LGR4: variants seen among roughly 807,000 people sequenced by gnomAD.
LGR4 encodes the protein leucine rich repeat containing G protein-coupled receptor 4.
Under a neutral mutation model 84.8 loss-of-function variants are expected in LGR4, and 44 were observed. The ratio of observed to expected loss-of-function variants is 0.52; its 90% CI spans 0.41 to 0.67. LGR4 has a LOEUF of 0.67. Among genes scored for constraint, LGR4 ranks in the 30% least tolerant of loss-of-function variants. LGR4 has a pLI of 0.00. For missense variants in LGR4, 1,032 were observed against 1,131.4 expected, an observed-to-expected ratio of 0.91 and a Z score of 1.26; for synonymous variants, 429 against 434.3, an observed-to-expected ratio of 0.99 and a Z score of 0.15.
intron 2 of LGR4, among the ~76,000 whole-genome samples, chr11:27,396,181 T>C (rs1863389133): frequency 6.6e-6 from 1 of 152,180 alleles, no homozygotes. Flanking sequence ...GAAATACTTA[T>C]CCACTTCTAC....
At chr11:27,403,911 G>A (rs1240419234) in intron 2 of LGR4, among the ~76,000 whole-genome samples, 1 of 152,076 alleles carries the variant, frequency 6.6e-6, no homozygotes. Flanking sequence ...CATCTTTGAA[G>A]TATGCATATA....
chr11:27,471,943 G>A, intron 1 of LGR4, 175 bp downstream of exon 1: 1 of 382,000 alleles, frequency 2.6e-6, no homozygotes, highest in Admixed American at 4.7e-5. Flanking sequence ...GAAAGCCCGT[G>A]GCACAGGAGT....
In LGR4 at chr11:27,446,681, C is replaced by T. The variant is rs577305831; in HGVS notation, c.185+25437G>A. On this transcript the variant is annotated intron_variant, in intron 1 of 17. Transcript: ENST00000379214. The stretch of plus-strand genomic sequence containing the variant: ...ACCATTTGACCCAGCCATCCCATTA[C>T]TGGGTATATACCCAAAGGATTATAA... 3.1e-3 allele frequency among the ~76,000 whole-genome samples: 465 copies of T among 152,328 alleles called. 1 individual carries two copies. Among genetic ancestry groups the T allele is most frequent in the African/African-American group, 0.011 (445 of 41,572 alleles).
chr11:27,393,768 A>T (rs1863329155), intron 2 of LGR4, among the ~76,000 whole-genome samples: 1 of 152,052 alleles, frequency 6.6e-6, no homozygotes, highest in Non-Finnish European at 1.5e-5. Context: ...TTAGGGATAC[A>T]AGAAAGACAC....
At chr11:27,462,613 G>A (rs562494625) in intron 1 of LGR4, among the ~76,000 whole-genome samples, 2 of 152,128 alleles carry the variant, frequency 1.3e-5, no homozygotes, top group South Asian at 2.1e-4. Flanking sequence ...AAAGAAACAG[G>A]GTTAGAATTT....
intron 13 of LGR4, among the ~76,000 whole-genome samples, chr11:27,375,976 TC>T (rs1484404911): frequency 2.0e-5 from 3 of 151,362 alleles, no homozygotes; most frequent in Non-Finnish European, 4.4e-5. Context: ...ACAAATTATA[TC>T]TTTTTTTTTT....
At chr11:27,451,383 T>A (rs957260349) in intron 1 of LGR4, among the ~76,000 whole-genome samples, 3 of 152,296 alleles carry the variant, frequency 2.0e-5, no homozygotes, top group African/African-American at 7.2e-5. Flanking sequence ...TGGAATTGCT[T>A]ACTGAGCAAC....
chr11:27,436,513 T>G (rs1198214782), intron 1 of LGR4, among the ~76,000 whole-genome samples: 1 of 152,112 alleles, frequency 6.6e-6, no homozygotes, highest in Non-Finnish European at 1.5e-5. Flanking sequence ...GGATAAATTA[T>G]AAGGATGGAT....
At chr11:27,431,281 C>T (rs571619873) in intron 1 of LGR4, among the ~76,000 whole-genome samples, 2 of 152,322 alleles carry the variant, frequency 1.3e-5, no homozygotes, top group South Asian at 2.1e-4. Context: ...ACTAATCAAA[C>T]ACTCTAGGGG....
intron 4 of LGR4, among the ~76,000 whole-genome samples, chr11:27,388,362 A>G (rs537791945): frequency 2.6e-5 from 4 of 152,174 alleles, no homozygotes; most frequent in Non-Finnish European, 5.9e-5. Context: ...ACAGATGAAG[A>G]AAATACTATA....
rs1197040422 is a variant in LGR4, at chr11:27,366,089, T to C, written c.*1778A>G. 2 of 152,550 alleles carry C rather than the reference T, an allele frequency of 1.3e-5. No individual in the cohort carries two copies. The highest frequency in any genetic ancestry group is 2.4e-5 in the African/African-American group (1 of 41,462). The allele number at this position is 152,550 out of a possible 1,614,324, so 9.4% of individuals were successfully genotyped here. A position where few individuals can be genotyped will look rare whatever the true frequency, so the allele number is the denominator to read the frequency against. On this transcript the variant is annotated 3_prime_UTR_variant, in exon 18 of 18. Transcript: ENST00000379214. ...TTTAAATGAATAAAATGAAAAGTTTTCAATAACCTGAATTTTGGAAAAAAC... is the reference window on the plus strand; with the variant it reads ...TTTAAATGAATAAAATGAAAAGTTTCCAATAACCTGAATTTTGGAAAAAAC...
intron 1 of LGR4, 46 bp from the exon 2 acceptor site, chr11:27,412,906 G>A: frequency 1.6e-6 from 2 of 1,266,468 alleles, no homozygotes; most frequent in African/African-American, 1.5e-5. Flanking sequence ...GTGGTATGAA[G>A]CTTAAAGTAT....
At chr11:27,436,867 C>T (rs571765343) in intron 1 of LGR4, among the ~76,000 whole-genome samples, 1 of 152,124 alleles carries the variant, frequency 6.6e-6, no homozygotes, top group African/African-American at 2.4e-5. Context: ...GATAGATAGG[C>T]CCTTAGCTAT....
chr11:27,397,640 G>C (rs574303486), intron 2 of LGR4, among the ~76,000 whole-genome samples: 1 of 152,286 alleles, frequency 6.6e-6, no homozygotes, highest in South Asian at 2.1e-4. Flanking sequence ...CGTGGCTAAA[G>C]TGTCGAATGC....
intron 1 of LGR4, among the ~76,000 whole-genome samples, chr11:27,447,050 G>C (rs527592172): frequency 2.0e-5 from 3 of 151,072 alleles, no homozygotes; most frequent in African/African-American, 7.3e-5. Context: ...TCAGGGGAGG[G>C]GGGAGGGATA....
At chr11:27,405,189 C>T (rs1206250557) in intron 2 of LGR4, among the ~76,000 whole-genome samples, 2 of 152,176 alleles carry the variant, frequency 1.3e-5, no homozygotes, top group African/African-American at 2.4e-5. Context: ...GAAGTCAAGG[C>T]CCTTTCTCAC....
intron 13 of LGR4, among the ~76,000 whole-genome samples, chr11:27,374,765 A>T (rs1280577319): frequency 6.6e-6 from 1 of 152,182 alleles, no homozygotes; most frequent in Non-Finnish European, 1.5e-5. Context: ...AGTGTCACTT[A>T]TCAGTTTCTA....
intron 2 of LGR4, among the ~76,000 whole-genome samples, chr11:27,394,582 T>C (rs1198476345): frequency 6.6e-6 from 1 of 152,122 alleles, no homozygotes; most frequent in African/African-American, 2.4e-5. Flanking sequence ...TTTGTATTTT[T>C]AGTAGAGACG....
intron 13 of LGR4, among the ~76,000 whole-genome samples, chr11:27,375,276 C>T (rs1454840995): frequency 7.7e-6 from 1 of 129,218 alleles, no homozygotes; most frequent in Non-Finnish European, 1.6e-5. Context: ...GCCTGAGCGA[C>T]AAGAGTGAGA....
Sources: allele counts gnomAD v4.1 joint callset (sites outside exome capture counted in the v4.1 genomes callset), GRCh38; gene constraint gnomAD v4.1.1; transcripts MANE v1.5; gene names NCBI Gene and HGNC (gene_info 2026-07-23, HGNC 2026-07-21).